The following TAS2R9 variants were observed in gnomAD, a reference collection of about 807,000 sequenced individuals.
TAS2R9 encodes taste receptor type 2 member 9.
For missense variants in TAS2R9, 406 were observed against 363.6 expected (o/e 1.12, Z -0.95); for synonymous variants, 158 against 134.2 (o/e 1.18, Z -1.23).
Position 10,810,021 on chromosome 12 carries a change from T to G in TAS2R9, c.55A>C (p.Ile19Leu), listed in dbSNP as rs1012118717. The G allele has an allele frequency of 6.2e-7, 1 of 1,613,618 alleles. No individual in the cohort carries two copies. Among genetic ancestry groups the G allele is most frequent in the East Asian group, 2.2e-5 (1 of 44,866 alleles). Residue 19 changes from isoleucine (I) to leucine (L), a missense_variant, in exon 1 of 1, where the codon ATA (isoleucine) becomes CTA (leucine). Physicochemically the swap from Ile to Leu is conservative, Grantham distance 5. Transcript: ENST00000240691. ...ATGAATCCATTTCCCCAAATCCCTA[T>G]GGTCAATTCACCAGCAATTAAAATA... ...YIILIAGELT[I>L]GIWGNGFIVL...
Position 10,809,800 on chromosome 12 carries a change from G to A in TAS2R9, c.276C>T (p.Ala92=), listed in dbSNP as rs756853761. Residue 92 remains alanine (A), a synonymous_variant, in exon 1 of 1, where the codon GCC becomes GCT. Transcript: ENST00000240691. ...AAGTAAACCAGAGACTTGAATTATT[G>A]GCAAATGTCCAGACAACATTCACAA... ...VSIVNVVWTF[A]NNSSLWFTSC... 1 of 1,613,622 alleles carries A rather than the reference G, an allele frequency of 6.2e-7. No homozygotes were observed. Among genetic ancestry groups the A allele is most frequent in the Middle Eastern group, 1.7e-4 (1 of 6,054 alleles).
chr12:10,809,804 A>G lies in TAS2R9; in HGVS notation c.272T>C (p.Phe91Ser). ...LVSIVNVVWT[F>S]ANNSSLWFTS... Reference sequence around the variant, plus strand: ...AAACCAGAGACTTGAATTATTGGCAAATGTCCAGACAACATTCACAATGCT... The same window carrying G: ...AAACCAGAGACTTGAATTATTGGCAGATGTCCAGACAACATTCACAATGCT... The change falls in exon 1 of 1, where the codon TTT (phenylalanine) becomes TCT (serine). Residue 91 changes from phenylalanine to serine, a missense_variant. Coordinates refer to ENST00000240691, the MANE Select transcript of TAS2R9 (RefSeq NM_023917.2). 6.2e-7 allele frequency: 1 copy of G among 1,613,710 alleles called. No homozygotes were observed. The highest frequency in any genetic ancestry group is 8.5e-7 in the Non-Finnish European group (1 of 1,179,826).
Position 10,809,125 on chromosome 12 carries a change from C to A in TAS2R9, c.*12G>T, listed in dbSNP as rs2135716253. 3 of 1,589,024 alleles carry A rather than the reference C, an allele frequency of 1.9e-6. No homozygotes were observed. The highest frequency in any genetic ancestry group is 1.2e-5 in the South Asian group (1 of 86,684). ...CTTTCATCCTTGTAGTCAGGATACT[C>A]TTTAGGGGTCTCTATGGAACAAAAG... On this transcript the variant is annotated 3_prime_UTR_variant, in exon 1 of 1. Coordinates refer to ENST00000240691, the MANE Select transcript of TAS2R9 (RefSeq NM_023917.2).
Position 10,810,066 on chromosome 12 carries a change from C to T in TAS2R9, c.10G>A (p.Ala4Thr). Residue 4 changes from alanine (A) to threonine (T), a missense_variant, in exon 1 of 1, where the codon GCA becomes ACA. Ala to Thr is a moderately conservative substitution (Grantham distance 58, BLOSUM62 0). Transcript: ENST00000240691. The stretch of plus-strand genomic sequence containing the variant: ...AAAATAATATATATTGCCTCTATTG[C>T]ACTTGGCATGCCAGCAAAGACTTGT... MPS[A>T]IEAIYIILIA... is the part of the protein sequence containing the mutation. The T allele has an allele frequency of 6.2e-7, 1 of 1,607,742 alleles. No individual in the cohort carries two copies. Among genetic ancestry groups the T allele is most frequent in the Non-Finnish European group, 8.5e-7 (1 of 1,176,722 alleles).
Position 10,810,038 on chromosome 12 carries a change from A to G in TAS2R9, c.38T>C (p.Ile13Thr). Reference protein sequence around the residue: ...SAIEAIYIILIAGELTIGIWG... With the variant: ...SAIEAIYIILTAGELTIGIWG... The stretch of plus-strand genomic sequence containing the variant: ...AATCCCTATGGTCAATTCACCAGCA[A>G]TTAAAATAATATATATTGCCTCTAT... Residue 13 changes from isoleucine to threonine, a missense_variant, in exon 1 of 1, where the codon ATT (isoleucine) becomes ACT (threonine). Coordinates refer to ENST00000240691, the MANE Select transcript of TAS2R9 (RefSeq NM_023917.2). The G allele has an allele frequency of 6.2e-7, 1 of 1,613,330 alleles. No individual in the cohort carries two copies.
At position 10,809,349 on chromosome 12, in the gene TAS2R9, C is replaced by G. The variant is rs766640852; in HGVS notation, c.727G>C (p.Val243Leu). 14 of 1,613,524 alleles carry G rather than the reference C, an allele frequency of 8.7e-6. No individual in the cohort carries two copies. The highest frequency in any genetic ancestry group is 1.2e-5 in the Non-Finnish European group (14 of 1,179,772). Residue 243 changes from valine to leucine, a missense_variant, in exon 1 of 1, where the codon GTG becomes CTG. By Grantham distance (32) the Val-to-Leu change is conservative (BLOSUM62 1). Transcript: ENST00000240691. ...AVIIFLLLLI[V>L]YYPVFLVMTS... is the part of the protein sequence containing the mutation. ...ATAACAAGAAAGACTGGGTAGTACA[C>G]GATGAGGAGGAGCAGAAAGATGATC...
Position 10,809,445 on chromosome 12 carries a change from G to C in TAS2R9, c.631C>G (p.Gln211Glu). 4 of 1,613,524 alleles carry C rather than the reference G, an allele frequency of 2.5e-6. No individual in the cohort carries two copies. The highest frequency in any genetic ancestry group is 3.4e-6 in the Non-Finnish European group (4 of 1,179,812). ...LLFSLVRHTK[Q>E]IRLHATGFRD... ...AACCCTGTAGCATGCAGTCGAATCTGCTTGGTGTGTCTAACTAGGGAGAAA... is the reference window on the plus strand; with the variant it reads ...AACCCTGTAGCATGCAGTCGAATCTCCTTGGTGTGTCTAACTAGGGAGAAA... The change falls in exon 1 of 1, where the codon CAG (glutamine) becomes GAG (glutamate). Residue 211 changes from glutamine (Q) to glutamate (E), a missense_variant. Physicochemically the swap from Gln to Glu is conservative, Grantham distance 29. Coordinates refer to ENST00000240691, the MANE Select transcript of TAS2R9 (RefSeq NM_023917.2).
Position 10,809,642 on chromosome 12 carries a change from CTAA to C in TAS2R9, c.431_433del (p.Ile144del). The C allele has an allele frequency of 6.2e-7, 1 of 1,613,576 alleles. No homozygotes were observed. Among genetic ancestry groups the C allele is most frequent in the Non-Finnish European group, 8.5e-7 (1 of 1,179,828 alleles). On this transcript the variant is annotated inframe_deletion, in exon 1 of 1. Transcript: ENST00000240691. Reference sequence around the variant, plus strand: ...CCACATATCATCATTCTTTGGAACACTAATAATTAAAGAGATAAGAAAGGACCC... The same window carrying C: ...CCACATATCATCATTCTTTGGAACACTAATTAAAGAGATAAGAAAGGACCC...
In TAS2R9 at chr12:10,809,376, C is replaced by T; in HGVS notation, c.700G>A (p.Val234Met). The change falls in exon 1 of 1, where the codon GTG (valine) becomes ATG (methionine). Residue 234 changes from valine to methionine, a missense_variant. By Grantham distance (21) the Val-to-Met change is conservative. Coordinates refer to ENST00000240691, the MANE Select transcript of TAS2R9 (RefSeq NM_023917.2). ...ATGAGGAGGAGCAGAAAGATGATCA[C>T]TGCCTTTATGGCCCTCATGTGGGCC... is the stretch of plus-strand genomic sequence containing the variant. ...TEAHMRAIKA[V>M]IIFLLLLIVY... 1 of 1,613,558 alleles carries T rather than the reference C, an allele frequency of 6.2e-7. No homozygotes were observed. Among genetic ancestry groups the T allele is most frequent in the Non-Finnish European group, 8.5e-7 (1 of 1,179,796 alleles).
Position 10,809,162 on chromosome 12 carries a change from C to T in TAS2R9, c.914G>A (p.Arg305Lys), listed in dbSNP as rs769995404. 10 of 1,611,472 alleles carry T rather than the reference C, an allele frequency of 6.2e-6. No individual in the cohort carries two copies. In the South Asian group the frequency reaches 7.7e-5, roughly 12 times the overall value. ...CTATGGAACAAAAGGCTTTCTTCTT[C>T]TAAGGAAACACTTCACAAATCTTAA... ...KMLRFVKCFL[R>K]RRKPFVP Residue 305 changes from arginine to lysine, a missense_variant, in exon 1 of 1, where the codon AGA becomes AAA. Arg to Lys is a conservative substitution (Grantham distance 26, BLOSUM62 2). Coordinates refer to ENST00000240691, the MANE Select transcript of TAS2R9 (RefSeq NM_023917.2).
At position 10,809,957 on chromosome 12, in the gene TAS2R9, T is replaced by C. The variant is rs188520221; in HGVS notation, c.119A>G (p.Asp40Gly). 44 of 1,613,778 alleles carry C rather than the reference T, an allele frequency of 2.7e-5. No individual in the cohort carries two copies. The highest frequency in any genetic ancestry group is 1.5e-4 in the Admixed American group (9 of 59,920). Reference protein sequence around the residue: ...VNCIDWLKRRDISLIDIILIS... With the variant: ...VNCIDWLKRRGISLIDIILIS... ...CAGGATGATGTCAATCAAGGAAATA[T>C]CTCTTCTTTTGAGCCAGTCAATGCA... The change falls in exon 1 of 1, where the codon GAT becomes GGT. Residue 40 changes from aspartate (D) to glycine (G), a missense_variant. Asp to Gly is a moderately conservative substitution (Grantham distance 94). Transcript: ENST00000240691.
Position 10,809,742 on chromosome 12 carries a change from C to A in TAS2R9, c.334G>T (p.Ala112Ser), listed in dbSNP as rs1948754868. Reference protein sequence around the residue: ...CLSIFYLLKIANISHPFFFWL... With the variant: ...CLSIFYLLKISNISHPFFFWL... ...AAGAAAAATGGGTGCGATATATTGGCTATCTTGAGTAAATAGAAGATACTG... is the reference window on the plus strand; with the variant it reads ...AAGAAAAATGGGTGCGATATATTGGATATCTTGAGTAAATAGAAGATACTG... The change falls in exon 1 of 1, where the codon GCC (alanine) becomes TCC (serine). Residue 112 changes from alanine (A) to serine (S), a missense_variant. Physicochemically the swap from Ala to Ser is moderately conservative, Grantham distance 99. Coordinates refer to ENST00000240691, the MANE Select transcript of TAS2R9 (RefSeq NM_023917.2). 1 of 1,613,614 alleles carries A rather than the reference C, an allele frequency of 6.2e-7. No individual in the cohort carries two copies.
chr12:10,809,576 C>T, the TAS2R9 span: 1 of 1,613,390 alleles, frequency 6.2e-7, no homozygotes, highest in East Asian at 2.2e-5. Flanking sequence ...TTTGAATTTC[C>T]AAGTAATGTT....
At chr12:10,809,851 TG>T in the TAS2R9 span, 4 of 1,613,786 alleles carry the variant, frequency 2.5e-6, no homozygotes, top group Admixed American at 6.7e-5. Flanking sequence ...TATTGCCATA[TG>T]TACCTGGAAA....
chr12:10,809,586 T>G lies in TAS2R9; in HGVS notation c.490A>C (p.Asn164His). 6.2e-7 allele frequency: 1 copy of G among 1,613,594 alleles called. No individual in the cohort carries two copies. Among genetic ancestry groups the G allele is most frequent in the Non-Finnish European group, 8.5e-7 (1 of 1,179,808 alleles). Residue 164 changes from asparagine to histidine, a missense_variant, in exon 1 of 1, where the codon AAC becomes CAC. By Grantham distance (68) the Asn-to-His change is moderately conservative (BLOSUM62 1). Transcript: ENST00000240691. ...YHLFKVSHEE[N>H]ITWKFKVSKI... ...CTCACTTTGAATTTCCAAGTAATGT[T>G]TTCTTCATGACTGACTTTGAAAAGG...
At position 10,809,819 on chromosome 12, in the gene TAS2R9, T is replaced by C; in HGVS notation, c.257A>G (p.Asn86Ser). The change falls in exon 1 of 1, where the codon AAT (asparagine) becomes AGT (serine). Residue 86 changes from asparagine (N) to serine (S), a missense_variant. Asn to Ser is a conservative substitution (Grantham distance 46). Transcript: ENST00000240691. ...YGNSVLVSIV[N>S]VVWTFANNSS... Reference sequence around the variant, plus strand: ...ATTATTGGCAAATGTCCAGACAACATTCACAATGCTTACTAGCACGCTATT... The same window carrying C: ...ATTATTGGCAAATGTCCAGACAACACTCACAATGCTTACTAGCACGCTATT... 1 of 1,613,684 alleles carries C rather than the reference T, an allele frequency of 6.2e-7. No homozygotes were observed. The highest frequency in any genetic ancestry group is 8.5e-7 in the Non-Finnish European group (1 of 1,179,818).
rs1948757783 is a variant in TAS2R9, at chr12:10,810,052, T to C, written c.24A>G (p.Ile8Met). Residue 8 changes from isoleucine to methionine, a missense_variant, in exon 1 of 1, where the codon ATA (isoleucine) becomes ATG (methionine). Physicochemically the swap from Ile to Met is conservative, Grantham distance 10. Transcript: ENST00000240691. MPSAIEAIYIILIAGELT... is the reference protein window; with the variant it reads MPSAIEAMYIILIAGELT... ...ATTCACCAGCAATTAAAATAATATA[T>C]ATTGCCTCTATTGCACTTGGCATGC... 1.2e-6 allele frequency: 2 copies of C among 1,611,438 alleles called. No homozygotes were observed. The highest frequency in any genetic ancestry group is 1.7e-6 in the Non-Finnish European group (2 of 1,178,810).
chr12:10,809,547 T>C lies in TAS2R9; in HGVS notation c.529A>G (p.Thr177Ala). 9 of 1,613,564 alleles carry C rather than the reference T, an allele frequency of 5.6e-6. No individual in the cohort carries two copies. The highest frequency in any genetic ancestry group is 1.1e-5 in the South Asian group (1 of 91,032). The change falls in exon 1 of 1, where the codon ACT (threonine) becomes GCT (alanine). Residue 177 changes from threonine (T) to alanine (A), a missense_variant. Transcript: ENST00000240691. ...AGGTTCAGGGTTAACTGTTTGAAAG[T>C]ACCTGGAATTTTACTCACTTTGAAT... ...WKFKVSKIPG[T>A]FKQLTLNLGV...
chr12:10,809,255 A>G lies in TAS2R9; in HGVS notation c.821T>C (p.Phe274Ser). Reference protein sequence around the residue: ...LMIGDIVTVIFPSSHSFILIM... With the variant: ...LMIGDIVTVISPSSHSFILIM... ...TAGAATGAATGAATGGCTTGATGGG[A>G]AAATGACAGTTACTATGTCACCAAT... The change falls in exon 1 of 1, where the codon TTC becomes TCC. Residue 274 changes from phenylalanine to serine, a missense_variant. By Grantham distance (155) the Phe-to-Ser change is radical. Coordinates refer to ENST00000240691, the MANE Select transcript of TAS2R9 (RefSeq NM_023917.2). 6.2e-7 allele frequency: 1 copy of G among 1,613,694 alleles called. No homozygotes were observed. The highest frequency in any genetic ancestry group is 8.5e-7 in the Non-Finnish European group (1 of 1,179,800).
Sources: allele counts gnomAD v4.1 joint callset, GRCh38; gene constraint gnomAD v4.1.1; transcripts MANE v1.5; gene names NCBI Gene and HGNC (gene_info 2026-07-23, HGNC 2026-07-21).